DENND5B: variants seen among roughly 807,000 people sequenced by gnomAD.
DENND5B encodes the protein DENN domain-containing protein 5B.
DENND5B carries 34 observed loss-of-function variants against 140.6 expected under a neutral mutation model. The observed-to-expected ratio is 0.24, with a 90% CI of 0.18 to 0.32. The LOEUF is 0.32. DENND5B is among the 10% of genes least tolerant of loss of function. The pLI is 1.00. For missense variants in DENND5B, 1,142 were observed against 1,560.2 expected (o/e 0.73, Z 4.52); for synonymous variants, 551 against 562.1 (o/e 0.98, Z 0.28).
chr12:31,479,596 G>A lies in DENND5B; in HGVS notation c.897C>T (p.Tyr299=), dbSNP rs977193246. Residue 299 remains tyrosine, a synonymous_variant, in exon 3 of 21, where the codon TAC becomes TAT. Transcript: ENST00000389082. ...CVLLEMQILL[Y]SQDYQRLMTV... is the part of the protein sequence containing the mutation. ...AATCCAAGGAAAACCTACCTTGTGAGTAGAGAAGGATTTGCATCTCTAAAA... is the reference window on the plus strand; with the variant it reads ...AATCCAAGGAAAACCTACCTTGTGAATAGAGAAGGATTTGCATCTCTAAAA... The A allele has an allele frequency of 1.3e-6, 2 of 1,491,596 alleles. No homozygotes were observed. Among genetic ancestry groups the A allele is most frequent in the Non-Finnish European group, 1.8e-6 (2 of 1,121,884 alleles). 92.4% of individuals were successfully genotyped at this position (1,491,596 alleles called of 1,614,324 possible).
At chr12:31,504,474 T>C (rs1432237995) in intron 1 of DENND5B, among the ~76,000 whole-genome samples, 1 of 152,190 alleles carries the variant, frequency 6.6e-6, no homozygotes, top group Admixed American at 6.5e-5. Flanking sequence ...CAGCTCAAAG[T>C]TACTGGTAGA....
At chr12:31,457,730 T>C (rs897518246) in intron 4 of DENND5B, among the ~76,000 whole-genome samples, 7 of 151,932 alleles carry the variant, frequency 4.6e-5, no homozygotes, top group African/African-American at 1.2e-4. Context: ...TTTTTTTTTT[T>C]TGAGATGGAG....
intron 2 of DENND5B, among the ~76,000 whole-genome samples, chr12:31,488,132 T>A (rs1025356089): frequency 2.0e-3 from 30 of 14,958 alleles, no homozygotes; most frequent in Admixed American, 3.2e-3. Context: ...TACCCGGCTA[T>A]TTTTTTTTTT....
chr12:31,551,234 T>G (rs1367097928), intron 1 of DENND5B, among the ~76,000 whole-genome samples: 2 of 152,216 alleles, frequency 1.3e-5, no homozygotes, highest in Non-Finnish European at 2.9e-5. Flanking sequence ...TGAATTAATT[T>G]TTGTAAAAGG....
chr12:31,492,002 C>T (rs1946543377), intron 2 of DENND5B, among the ~76,000 whole-genome samples: 1 of 152,162 alleles, frequency 6.6e-6, no homozygotes, highest in Non-Finnish European at 1.5e-5. Context: ...CATACAAACG[C>T]ACTTACTAGT....
At chr12:31,495,018 G>C (rs986664026) in intron 2 of DENND5B, among the ~76,000 whole-genome samples, 1 of 151,984 alleles carries the variant, frequency 6.6e-6, no homozygotes, top group African/African-American at 2.4e-5. Flanking sequence ...CCATCCACCG[G>C]TAACAATAAT....
intron 3 of DENND5B, among the ~76,000 whole-genome samples, chr12:31,478,982 T>C (rs576303626): frequency 6.6e-6 from 1 of 151,188 alleles, no homozygotes; most frequent in South Asian, 2.1e-4. Flanking sequence ...CCTTCTGAGA[T>C]TAAAAAACAT....
At chr12:31,507,490 C>G (rs1182628564) in intron 1 of DENND5B, among the ~76,000 whole-genome samples, 3 of 152,072 alleles carry the variant, frequency 2.0e-5, no homozygotes, top group Non-Finnish European at 4.4e-5. Context: ...TCAAAGAACA[C>G]AACAGCAGAT....
intron 1 of DENND5B, among the ~76,000 whole-genome samples, chr12:31,580,473 T>C (rs1471026140): frequency 1.3e-5 from 2 of 152,048 alleles, no homozygotes; most frequent in Admixed American, 1.3e-4. Context: ...CTAGCTTCCA[T>C]TTTACTGTTT....
chr12:31,454,679 G>A (rs973270337), intron 4 of DENND5B, among the ~76,000 whole-genome samples: 3 of 151,832 alleles, frequency 2.0e-5, no homozygotes, highest in African/African-American at 7.3e-5. Context: ...TCCTGACCTC[G>A]TAATCCACCT....
chr12:31,501,791 A>T (rs1298622021), intron 1 of DENND5B, among the ~76,000 whole-genome samples: 1 of 151,690 alleles, frequency 6.6e-6, no homozygotes, highest in African/African-American at 2.4e-5. Context: ...AAAAAAAGAA[A>T]GAAAAAAGAA....
intron 12 of DENND5B, among the ~76,000 whole-genome samples, chr12:31,413,891 CA>C (rs1252359950): frequency 1.3e-5 from 2 of 151,962 alleles, no homozygotes; most frequent in African/African-American, 2.4e-5. Context: ...CCTGATGCTC[CA>C]AAAAAAGTAA....
chr12:31,570,800 T>A (rs1949796847), intron 1 of DENND5B, among the ~76,000 whole-genome samples: 1 of 152,042 alleles, frequency 6.6e-6, no homozygotes, highest in South Asian at 2.1e-4. Flanking sequence ...TATACCTTCT[T>A]AGGTTATCTC....
At chr12:31,580,619 C>T (rs376293677) in intron 1 of DENND5B, among the ~76,000 whole-genome samples, 5 of 152,050 alleles carry the variant, frequency 3.3e-5, no homozygotes, top group Admixed American at 6.6e-5. Flanking sequence ...CTCAGCCTCC[C>T]GAGTAGCTGG....
chr12:31,404,018 C>T (rs1941983239), intron 14 of DENND5B, among the ~76,000 whole-genome samples: 1 of 150,652 alleles, frequency 6.6e-6, no homozygotes, highest in South Asian at 2.1e-4. Flanking sequence ...CTCAGGAGTT[C>T]ATGACCAGCC....
At chr12:31,421,091 T>A (rs1362915119) in intron 11 of DENND5B, among the ~76,000 whole-genome samples, 1 of 152,220 alleles carries the variant, frequency 6.6e-6, no homozygotes, top group Admixed American at 6.5e-5. Flanking sequence ...TTGCCCAGGC[T>A]GGAGTACAGC....
rs1390094940 is a variant in DENND5B, at chr12:31,590,878, G to A, written c.-46C>T. 1.7e-6 allele frequency: 2 copies of A among 1,184,236 alleles called. No individual in the cohort carries two copies. Among genetic ancestry groups the A allele is most frequent in the Non-Finnish European group, 2.1e-6 (2 of 960,246 alleles). The allele number at this position is 1,184,236 out of a possible 1,614,324, so 73.4% of individuals were successfully genotyped here. A position where few individuals can be genotyped will look rare whatever the true frequency, so the allele number is the denominator to read the frequency against. On this transcript the variant is annotated 5_prime_UTR_variant, in exon 1 of 21. Transcript: ENST00000389082. Reference sequence around the variant, plus strand: ...GGCCGCCGCCGCCGCCGCCCGGGAAGGCTTTCTGCGGAGGCTGCCACCACC... The same window carrying A: ...GGCCGCCGCCGCCGCCGCCCGGGAAAGCTTTCTGCGGAGGCTGCCACCACC...
chr12:31,552,689 T>A (rs544366819), intron 1 of DENND5B, among the ~76,000 whole-genome samples: 1 of 152,310 alleles, frequency 6.6e-6, no homozygotes, highest in African/African-American at 2.4e-5. Context: ...TGTGAATCCA[T>A]CTGGTCCTGG....
At chr12:31,448,312 T>C (rs1208622175) in intron 5 of DENND5B, among the ~76,000 whole-genome samples, 1 of 152,124 alleles carries the variant, frequency 6.6e-6, no homozygotes, top group Non-Finnish European at 1.5e-5. Flanking sequence ...TTTTTTTGAA[T>C]TTTTAGTAGA....
Sources: gnomAD v4.1 joint callset for allele counts (sites outside exome capture counted in the v4.1 genomes callset) on GRCh38, gnomAD v4.1.1 for gene constraint, MANE v1.5 for transcripts, NCBI Gene and HGNC (gene_info 2026-07-23, HGNC 2026-07-21) for gene names.